Variants in NMT1 observed in about 807,000 individuals in gnomAD.
NMT1 encodes N-myristoyltransferase 1, also known as glycylpeptide N-tetradecanoyltransferase 1.
In NMT1, 12 loss-of-function variants were observed where a neutral mutation model predicts 63.4. The ratio of observed to expected loss-of-function variants is 0.19; its 90% CI spans 0.12 to 0.31. The LOEUF (loss-of-function observed/expected upper bound fraction) is 0.31. NMT1 is among the 10% of genes least tolerant of loss of function. The pLI, the probability that NMT1 is intolerant of heterozygous loss-of-function variation, is 1.00. For missense variants in NMT1, 432 were observed against 634.6 expected, an observed-to-expected ratio of 0.68 and a Z score of 3.43; for synonymous variants, 228 against 234.3, an observed-to-expected ratio of 0.97 and a Z score of 0.25.
intron 6 of NMT1, among the ~76,000 whole-genome samples, chr17:45,097,801 C>T (rs1179604567): frequency 6.6e-6 from 1 of 152,182 alleles, no homozygotes; most frequent in Admixed American, 6.5e-5. Flanking sequence ...TGCGCCACCA[C>T]ACCTGGCTAA....
Position 45,106,698 on chromosome 17 carries a change from T to G in NMT1, c.*1059T>G, listed in dbSNP as rs931250499. On this transcript the variant is annotated 3_prime_UTR_variant, in exon 12 of 12. Transcript: ENST00000258960. ...CCCCTTCAGCCACCAGCCCCTGGCCTGTGCCTTCCAACCCATTAGCCATTT... is the reference window on the plus strand; with the variant it reads ...CCCCTTCAGCCACCAGCCCCTGGCCGGTGCCTTCCAACCCATTAGCCATTT... 4 of 152,718 alleles carry G rather than the reference T, an allele frequency of 2.6e-5. No homozygotes were observed. The highest frequency in any genetic ancestry group is 2.0e-4 in the Admixed American group (3 of 15,280). 9.5% of individuals were successfully genotyped at this position (152,718 alleles called of 1,614,324 possible). A position where few individuals can be genotyped will look rare whatever the true frequency, so the allele number is the denominator to read the frequency against.
intron 6 of NMT1, 40 bp downstream of exon 6, chr17:45,097,284 C>A: frequency 7.0e-7 from 1 of 1,420,808 alleles, no homozygotes; most frequent in Non-Finnish European, 1.0e-6. Context: ...ACAACACCGC[C>A]ATCCTGCTTG....
At chr17:45,077,383 G>A (rs1371186700) in intron 1 of NMT1, among the ~76,000 whole-genome samples, 1 of 151,936 alleles carries the variant, frequency 6.6e-6, no homozygotes, top group Non-Finnish European at 1.5e-5. Context: ...CCTAATATCA[G>A]CCAGGTCTTG....
In NMT1 at chr17:45,087,891, C is replaced by A. The variant is rs150602530; in HGVS notation, c.385+1239C>A. ...GCTGCAGAGGTTGGGAGCAGCTAATCCATGAGGCCTGCAGACCTGCAGGAT... is the reference window on the plus strand; with the variant it reads ...GCTGCAGAGGTTGGGAGCAGCTAATACATGAGGCCTGCAGACCTGCAGGAT... On this transcript the variant is annotated intron_variant, in intron 3 of 11. Coordinates refer to ENST00000258960, the MANE Select transcript of NMT1 (RefSeq NM_021079.5). Among the ~76,000 whole-genome samples, 241 of 152,262 alleles carry A rather than the reference C, an allele frequency of 1.6e-3. 5 individuals carry two copies. The highest frequency in any genetic ancestry group is 0.015 in the Admixed American group (234 of 15,286).
At position 45,103,607 on chromosome 17, in the gene NMT1, G is replaced by C; in HGVS notation, c.1165-102G>C. ...TGCAGTTTCCAGCCATTTATCTAGAGGGGCAGAGCTGCCTGAAGGTGGAGT... is the reference window on the plus strand; with the variant it reads ...TGCAGTTTCCAGCCATTTATCTAGACGGGCAGAGCTGCCTGAAGGTGGAGT... On this transcript the variant is annotated intron_variant, in intron 9 of 11. Coordinates refer to ENST00000258960, the MANE Select transcript of NMT1 (RefSeq NM_021079.5). The surrounding 1 kb of genome is among the most constrained non-coding windows in gnomAD (Gnocchi z 4.8). 8.3e-7 allele frequency: 1 copy of C among 1,200,060 alleles called. No individual in the cohort carries two copies. Among genetic ancestry groups the C allele is most frequent in the Non-Finnish European group, 1.2e-6 (1 of 847,198 alleles). The allele number at this position is 1,200,060 out of a possible 1,614,324, so 74.3% of individuals were successfully genotyped here. A position where few individuals can be genotyped will look rare whatever the true frequency, so the allele number is the denominator to read the frequency against.
rs778639871 is a variant in NMT1, at chr17:45,103,011, C to T, written c.1054C>T (p.Leu352Phe). 5 of 1,614,092 alleles carry T rather than the reference C, an allele frequency of 3.1e-6. No homozygotes were observed. Among genetic ancestry groups the T allele is most frequent in the Non-Finnish European group, 3.4e-6 (4 of 1,179,952 alleles). Reference protein sequence around the residue: ...ETKDIPVVHQLLTRYLKQFHL... With the variant: ...ETKDIPVVHQFLTRYLKQFHL... ...AAAGGACATTCCAGTAGTGCACCAG[C>T]TCCTCACCAGGTACTTGAAGCAATT... The change falls in exon 9 of 12, where the codon CTC (leucine) becomes TTC (phenylalanine). Residue 352 changes from leucine to phenylalanine, a missense_variant. Transcript: ENST00000258960. This position sits in a 1 kb window ranked among gnomAD's most constrained non-coding sequence, Gnocchi z 4.8.
chr17:45,089,925 A>G (rs563208381), intron 3 of NMT1, among the ~76,000 whole-genome samples: 2 of 152,162 alleles, frequency 1.3e-5, no homozygotes, highest in South Asian at 2.1e-4. Context: ...GGCGTGAGCC[A>G]CTGCACCTGA....
chr17:45,094,255 G>A (rs2143506105), intron 4 of NMT1, among the ~76,000 whole-genome samples: 1 of 152,018 alleles, frequency 6.6e-6, no homozygotes, highest in Non-Finnish European at 1.5e-5. Context: ...ACCGTTTTGG[G>A]AGGCTGAGGC....
rs2054183168 is a variant in NMT1 at position 45,103,682 on chromosome 17, A to G, written c.1165-27A>G. The G allele has an allele frequency of 6.3e-7, 1 of 1,598,472 alleles. No individual in the cohort carries two copies. The highest frequency in any genetic ancestry group is 1.7e-5 in the Admixed American group (1 of 58,484). On this transcript the variant is annotated intron_variant, in intron 9 of 11. Coordinates refer to ENST00000258960, the MANE Select transcript of NMT1 (RefSeq NM_021079.5). The surrounding 1 kb of genome is among the most constrained non-coding windows in gnomAD (Gnocchi z 4.8). The stretch of plus-strand genomic sequence containing the variant: ...CGCAGTGCCACTGTGCATGCTTGAC[A>G]TTGCCTCTTTATTGCCTTCCCTTCA...
chr17:45,069,270 TTTA>T (rs1275202950), intron 1 of NMT1, among the ~76,000 whole-genome samples: 48 of 128,796 alleles, frequency 3.7e-4, no homozygotes, highest in African/African-American at 4.2e-4. Context: ...GACTTTATTT[TTTA>T]TTATTTATTT....
At chr17:45,080,099 C>T (rs2054005642) in intron 1 of NMT1, among the ~76,000 whole-genome samples, 1 of 151,986 alleles carries the variant, frequency 6.6e-6, no homozygotes, top group African/African-American at 2.4e-5. Flanking sequence ...GGTGATCCCT[C>T]AGTCTGAGCT....
intron 3 of NMT1, 65 bp from the exon 4 acceptor site, chr17:45,093,620 G>T: frequency 7.2e-7 from 1 of 1,384,020 alleles, no homozygotes; most frequent in South Asian, 1.2e-5. Context: ...GTTGAGTTTT[G>T]AACTGAGCCC....
At chr17:45,095,648 A>G (rs2054120479) in intron 4 of NMT1, among the ~76,000 whole-genome samples, 2 of 152,278 alleles carry the variant, frequency 1.3e-5, no homozygotes, top group Admixed American at 1.3e-4. Flanking sequence ...AGTATGCCCC[A>G]GTAGTCTCAG....
At chr17:45,095,030 C>T (rs2054115195) in intron 4 of NMT1, among the ~76,000 whole-genome samples, 1 of 150,474 alleles carries the variant, frequency 6.6e-6, no homozygotes, top group Admixed American at 6.6e-5. Flanking sequence ...CCAGTCTGGT[C>T]TCGAACTCCT....
At chr17:45,084,584 C>T (rs2078823) in intron 2 of NMT1, among the ~76,000 whole-genome samples, 34,103 of 151,606 alleles carry the variant, frequency 0.22, 4,383 homozygotes, top group African/African-American at 0.33. Context: ...CCACCCGCCT[C>T]GACCTCCCAA....
chr17:45,078,767 A>T (rs56360935), intron 1 of NMT1, among the ~76,000 whole-genome samples: 33,233 of 151,908 alleles, frequency 0.22, 4,222 homozygotes, highest in South Asian at 0.33. Flanking sequence ...GCTTCAAGCC[A>T]ACCTCTCAAC....
chr17:45,099,760 G>C, intron 8 of NMT1: 2 of 513,164 alleles, frequency 3.9e-6, no homozygotes, highest in South Asian at 4.6e-5. Flanking sequence ...CTGTTGAAAG[G>C]CTCAGAGAAC....
chr17:45,101,186 A>C (rs2054162615), intron 8 of NMT1, among the ~76,000 whole-genome samples: 1 of 151,708 alleles, frequency 6.6e-6, no homozygotes, highest in Admixed American at 6.6e-5. Context: ...TCCATCTCAA[A>C]AAAAACAACA....
chr17:45,063,775 A>C (rs1183616877), intron 1 of NMT1, among the ~76,000 whole-genome samples: 1 of 152,200 alleles, frequency 6.6e-6, no homozygotes, highest in African/African-American at 2.4e-5. Context: ...GTACGCCTAT[A>C]GTCCCAGCTA....
Sources: allele counts gnomAD v4.1 joint callset (sites outside exome capture counted in the v4.1 genomes callset), GRCh38; gene constraint gnomAD v4.1.1; non-coding constraint Gnocchi (gnomAD v3.1); transcripts MANE v1.5; gene names NCBI Gene and HGNC (gene_info 2026-07-23, HGNC 2026-07-21).